R3HDM1: variants seen among roughly 807,000 people sequenced by gnomAD.
The protein encoded by R3HDM1 is R3H domain containing 1, also known as R3H domain-containing protein 1.
A neutral mutation model predicts 141.1 loss-of-function variants in R3HDM1; 46 were observed. The observed-to-expected ratio is 0.33, with a 90% CI of 0.26 to 0.42. R3HDM1 has a LOEUF of 0.42. R3HDM1 is among the 10% of genes least tolerant of loss of function. R3HDM1 has a pLI of 1.00. For synonymous variants in R3HDM1, 435 were observed against 472.9 expected (o/e 0.92, Z 1.04); for missense variants, 1,184 against 1,368.3 (o/e 0.87, Z 2.12).
chr2:135,534,777 A>G lies in R3HDM1; in HGVS notation c.-250+3144A>G, dbSNP rs546949996. Among the ~76,000 whole-genome samples the G allele has an allele frequency of 2.0e-4, 30 of 152,362 alleles. No homozygotes were observed. In the South Asian group the frequency reaches 5.8e-3, roughly 29 times the overall value. ...ATAAACTTGAAATAAGCTTTGTCAA[A>G]TATTATGCAGAAGATGTGCATTGCC... is the stretch of plus-strand genomic sequence containing the variant. On this transcript the variant is annotated intron_variant, in intron 1 of 26. Transcript: ENST00000683871.
intron 1 of R3HDM1, among the ~76,000 whole-genome samples, chr2:135,549,779 C>T (rs924812168): frequency 3.9e-5 from 6 of 152,026 alleles, no homozygotes; most frequent in Admixed American, 2.0e-4. Flanking sequence ...GGGTGTTTTA[C>T]GGGGTAATGA....
intron 1 of R3HDM1, among the ~76,000 whole-genome samples, chr2:135,569,013 C>A (rs1442164430): frequency 6.7e-6 from 1 of 150,276 alleles, no homozygotes; most frequent in East Asian, 2.0e-4. Flanking sequence ...TCTCCTCTGT[C>A]TCCTCCAGTC....
intron 7 of R3HDM1, among the ~76,000 whole-genome samples, chr2:135,625,432 CA>C (rs1253431262): frequency 6.6e-6 from 1 of 151,872 alleles, no homozygotes; most frequent in African/African-American, 2.4e-5. Flanking sequence ...GCAATAAGAG[CA>C]AAACTCCATC....
At chr2:135,546,201 A>G (rs1698663499) in intron 1 of R3HDM1, among the ~76,000 whole-genome samples, 2 of 152,184 alleles carry the variant, frequency 1.3e-5, no homozygotes, top group Non-Finnish European at 2.9e-5. Context: ...ATTACCAGAT[A>G]AATTTTTGTT....
chr2:135,571,940 T>C (rs1704206255), intron 1 of R3HDM1, among the ~76,000 whole-genome samples: 1 of 152,152 alleles, frequency 6.6e-6, no homozygotes, highest in Admixed American at 6.5e-5. Flanking sequence ...GAATTTTATT[T>C]TGTTTTATTT....
chr2:135,654,957 C>T (rs1477034858), intron 18 of R3HDM1, among the ~76,000 whole-genome samples: 2 of 151,026 alleles, frequency 1.3e-5, no homozygotes, highest in African/African-American at 4.9e-5. Flanking sequence ...ATACTAGACC[C>T]TTGTCAGATA....
At chr2:135,607,320 T>C (rs902191070) in intron 3 of R3HDM1, 17 of 985,234 alleles carry the variant, frequency 1.7e-5, no homozygotes, top group Non-Finnish European at 1.8e-5. Flanking sequence ...TCTCATTCTT[T>C]TGTTCAGTCA....
chr2:135,693,096 T>C (rs1326539786), intron 21 of R3HDM1, among the ~76,000 whole-genome samples: 2 of 152,164 alleles, frequency 1.3e-5, no homozygotes, highest in African/African-American at 2.4e-5. Context: ...GGTATTTATA[T>C]AACAAGGGGA....
chr2:135,587,338 G>A (rs1199396832), intron 1 of R3HDM1, among the ~76,000 whole-genome samples: 1 of 151,676 alleles, frequency 6.6e-6, no homozygotes, highest in East Asian at 1.9e-4. Flanking sequence ...AATTTTAACA[G>A]CATTTGGAAT....
chr2:135,634,191 GTTCTCTATT>G (rs2063024503), intron 9 of R3HDM1, among the ~76,000 whole-genome samples: 1 of 151,862 alleles, frequency 6.6e-6, no homozygotes, highest in Non-Finnish European at 1.5e-5. Context: ...GTACAAATCT[GTTCTCTATT>G]TCACCCATCT....
chr2:135,700,013 A>G (rs1334181552), intron 21 of R3HDM1, among the ~76,000 whole-genome samples: 2 of 152,210 alleles, frequency 1.3e-5, no homozygotes, highest in Non-Finnish European at 2.9e-5. Context: ...CCATTTTTCT[A>G]TAAATCAGTC....
At chr2:135,699,066 T>TAGA (rs1553630275) in intron 21 of R3HDM1, among the ~76,000 whole-genome samples, 4,973 of 72,498 alleles carry the variant, frequency 0.069, 278 homozygotes, top group Middle Eastern at 0.19. Flanking sequence ...GATAGATTGA[T>TAGA]TAGATAGATT....
At chr2:135,539,632 A>G (rs1697034574) in intron 1 of R3HDM1, among the ~76,000 whole-genome samples, 1 of 152,198 alleles carries the variant, frequency 6.6e-6, no homozygotes. Context: ...TGGTGCATTT[A>G]AAAGTTAGGT....
At chr2:135,609,146 C>G (rs2060317357) in intron 3 of R3HDM1, among the ~76,000 whole-genome samples, 1 of 152,112 alleles carries the variant, frequency 6.6e-6, no homozygotes. Context: ...TACATGTCAT[C>G]TCAGGTGGTT....
chr2:135,614,601 T>G (rs2060849776), intron 3 of R3HDM1, among the ~76,000 whole-genome samples: 1 of 152,210 alleles, frequency 6.6e-6, no homozygotes, highest in Non-Finnish European at 1.5e-5. Flanking sequence ...TAAGTCCAGC[T>G]TTTCTGCATA....
At chr2:135,691,138 A>G (rs2072306242) in intron 21 of R3HDM1, among the ~76,000 whole-genome samples, 1 of 152,194 alleles carries the variant, frequency 6.6e-6, no homozygotes, top group Non-Finnish European at 1.5e-5. Flanking sequence ...ATTTGAAAAT[A>G]TTTGAAATTT....
In R3HDM1 at chr2:135,636,200, T is replaced by C; in HGVS notation, c.903+17T>C. On this transcript the variant is annotated intron_variant, in intron 11 of 26. Transcript: ENST00000683871. ...TCCCAAGATGTACGTACTAACTTAC[T>C]TAGGTCTTCATGTTAGAGTATATTC... is the stretch of plus-strand genomic sequence containing the variant. The C allele has an allele frequency of 6.2e-7, 1 of 1,608,290 alleles. No homozygotes were observed. The highest frequency in any genetic ancestry group is 8.5e-7 in the Non-Finnish European group (1 of 1,177,812).
intron 7 of R3HDM1, among the ~76,000 whole-genome samples, chr2:135,624,468 C>T (rs2061812300): frequency 6.6e-6 from 1 of 151,432 alleles, no homozygotes; most frequent in Non-Finnish European, 1.5e-5. Flanking sequence ...ATCCAACTAT[C>T]GTCAGCAAGG....
At chr2:135,590,875 CAGAAA>C in intron 1 of R3HDM1, 1 of 293,388 alleles carries the variant, frequency 3.4e-6, no homozygotes, top group Non-Finnish European at 5.1e-6. Flanking sequence ...TGCTCTTTGA[CAGAAA>C]GAAGAAATCA....
Sources: gnomAD v4.1 joint callset for allele counts (sites outside exome capture counted in the v4.1 genomes callset) on GRCh38, gnomAD v4.1.1 for gene constraint, MANE v1.5 for transcripts, NCBI Gene and HGNC (gene_info 2026-07-23, HGNC 2026-07-21) for gene names.